NFIB: variants seen among roughly 807,000 people sequenced by gnomAD.
NFIB encodes nuclear factor I B, also known as nuclear factor 1 B-type.
NFIB carries 11 observed loss-of-function variants against 61.5 expected under a neutral mutation model. That is an observed-to-expected ratio of 0.18 (90% CI 0.11 to 0.30). The LOEUF is 0.30. Ranked by LOEUF, NFIB falls within the 10% of genes least tolerant of loss-of-function variation. The probability of loss-of-function intolerance (pLI) is 1.00; values close to 1 mark genes in which losing one functional copy is unlikely to be tolerated. For synonymous variants in NFIB, 260 were observed against 216.5 expected, an observed-to-expected ratio of 1.20 and a Z score of -1.76; for missense variants, 471 against 608.9, an observed-to-expected ratio of 0.77 and a Z score of 2.38.
In NFIB at chr9:14,263,544, C is replaced by T. The variant is rs553181055; in HGVS notation, c.562+43445G>A. Among the ~76,000 whole-genome samples the T allele has an allele frequency of 5.9e-5, 9 of 152,214 alleles. No homozygotes were observed. In the South Asian group the frequency reaches 1.7e-3, roughly 28 times the overall value. On this transcript the variant is annotated intron_variant, in intron 2 of 10. Coordinates refer to ENST00000380953, the MANE Select transcript of NFIB (RefSeq NM_001190737.2). ...TGGAGAGAGTTCAAGTGCAGCTTTC[C>T]CAAAAGCCTGGCTCAAACCCTGTAT... is the stretch of plus-strand genomic sequence containing the variant.
At chr9:14,520,416 T>C in the NFIB span, among the ~76,000 whole-genome samples, 1 of 152,202 alleles carries the variant, frequency 6.6e-6, no homozygotes, top group Non-Finnish European at 1.5e-5. Flanking sequence ...CATTACTTAC[T>C]CTGCACCCAA....
At chr9:14,131,407 T>C (rs1306751988) in intron 6 of NFIB, among the ~76,000 whole-genome samples, 1 of 152,234 alleles carries the variant, frequency 6.6e-6, no homozygotes, top group Non-Finnish European at 1.5e-5. Flanking sequence ...CTTGATGTGT[T>C]ATTTATTTCA....
chr9:14,170,189 A>G (rs929759688), intron 3 of NFIB, among the ~76,000 whole-genome samples: 3 of 152,226 alleles, frequency 2.0e-5, no homozygotes, highest in African/African-American at 2.4e-5. Flanking sequence ...CAAGTCCACT[A>G]TATTTGTGAT....
At chr9:14,269,078 C>CTT (rs111709351) in intron 2 of NFIB, among the ~76,000 whole-genome samples, 201 of 148,176 alleles carry the variant, frequency 1.4e-3, no homozygotes, top group African/African-American at 4.2e-3. Context: ...ACATTTTAAA[C>CTT]TTTTTTTTTT....
At position 14,120,647 on chromosome 9, in the gene NFIB, G is replaced by C; in HGVS notation, c.1061-23C>G. The C allele has an allele frequency of 6.4e-7, 1 of 1,571,234 alleles. No homozygotes were observed. The highest frequency in any genetic ancestry group is 8.6e-7 in the Non-Finnish European group (1 of 1,161,136). On this transcript the variant is annotated intron_variant, in intron 7 of 10. Coordinates refer to ENST00000380953, the MANE Select transcript of NFIB (RefSeq NM_001190737.2). The surrounding 1 kb of genome is among the most constrained non-coding windows in gnomAD (Gnocchi z 4.4). ...TGACTGCAGAAGACAGAAAAGGAAAGATTGACTCATCAGCTGGTTACCTTA... is the reference window on the plus strand; with the variant it reads ...TGACTGCAGAAGACAGAAAAGGAAACATTGACTCATCAGCTGGTTACCTTA...
At chr9:14,323,137 A>G (rs1371366604) in intron 1 of NFIB, among the ~76,000 whole-genome samples, 2 of 152,222 alleles carry the variant, frequency 1.3e-5, no homozygotes, top group Non-Finnish European at 2.9e-5. Context: ...CAGCGTTATC[A>G]TTAAAGCAAA....
chr9:14,363,956 A>G (rs1344475633), intron 1 of NFIB, among the ~76,000 whole-genome samples: 1 of 152,172 alleles, frequency 6.6e-6, no homozygotes, highest in Non-Finnish European at 1.5e-5. Flanking sequence ...CCAATTGCCT[A>G]TTAATTCACC....
chr9:14,202,663 T>G (rs2049177383), intron 2 of NFIB, among the ~76,000 whole-genome samples: 1 of 152,234 alleles, frequency 6.6e-6, no homozygotes, highest in South Asian at 2.1e-4. Flanking sequence ...CTACGTTTCT[T>G]GTCTTTTAGA....
the NFIB span, among the ~76,000 whole-genome samples, chr9:14,460,015 T>C: frequency 6.6e-6 from 1 of 152,144 alleles, no homozygotes; most frequent in Non-Finnish European, 1.5e-5. Context: ...ATCCCATTAC[T>C]GAGTATATAC....
chr9:14,482,434 C>A, the NFIB span, among the ~76,000 whole-genome samples: 1 of 152,132 alleles, frequency 6.6e-6, no homozygotes, highest in Admixed American at 6.5e-5. Flanking sequence ...TTCACCAGTC[C>A]CCATTTGCAG....
chr9:14,459,557 A>T, the NFIB span, among the ~76,000 whole-genome samples: 10 of 152,138 alleles, frequency 6.6e-5, no homozygotes, highest in Admixed American at 6.5e-4. Flanking sequence ...CAGCAAAAGA[A>T]ACTATCATCA....
At chr9:14,119,153 C>T (rs1417733560) in intron 8 of NFIB, among the ~76,000 whole-genome samples, 1 of 152,074 alleles carries the variant, frequency 6.6e-6, no homozygotes, top group Non-Finnish European at 1.5e-5. Flanking sequence ...CTGTTCCCAG[C>T]TGAGTCTAGC....
intron 1 of NFIB, among the ~76,000 whole-genome samples, chr9:14,389,643 A>G (rs1167375396): frequency 6.6e-6 from 1 of 152,122 alleles, no homozygotes; most frequent in East Asian, 1.9e-4. Context: ...CAAAAAAGTT[A>G]CTCTTTCCCT....
rs982229499 is a variant in NFIB at position 14,332,288 on chromosome 9, G to A, written c.109-24768C>T. ...GCAGAGGTTGCAGTCAGCAGAGATC[G>A]TGCCACTGCACTCCAGCCTGGGCAA... On this transcript the variant is annotated intron_variant, in intron 1 of 8. Transcript: ENST00000380934. 4.6e-4 allele frequency among the ~76,000 whole-genome samples: 67 copies of A among 145,134 alleles called. 1 individual carries two copies. Among genetic ancestry groups the A allele is most frequent in the African/African-American group, 1.6e-3 (65 of 39,544 alleles).
chr9:14,270,400 T>A (rs1322992), intron 2 of NFIB, among the ~76,000 whole-genome samples: 1 of 151,928 alleles, frequency 6.6e-6, no homozygotes, highest in South Asian at 2.1e-4. Context: ...TCTGTGCACA[T>A]GCTAATTTGA....
At chr9:14,397,647 A>T (rs537058428) in intron 1 of NFIB, among the ~76,000 whole-genome samples, 17 of 152,242 alleles carry the variant, frequency 1.1e-4, no homozygotes, top group Non-Finnish European at 2.9e-5. Context: ...AGTCATGCTT[A>T]TTACTTTGTA....
chr9:14,290,817 A>C (rs978143140), intron 2 of NFIB, among the ~76,000 whole-genome samples: 1 of 152,092 alleles, frequency 6.6e-6, no homozygotes, highest in Non-Finnish European at 1.5e-5. Flanking sequence ...ATTTGCCCCT[A>C]ATGTTCTATA....
At chr9:14,388,662 CTT>C (rs2061584041) in intron 1 of NFIB, among the ~76,000 whole-genome samples, 1 of 152,084 alleles carries the variant, frequency 6.6e-6, no homozygotes, top group South Asian at 2.1e-4. Flanking sequence ...ATATGACCAA[CTT>C]CTAGATAGCA....
At chr9:14,432,468 C>T in the NFIB span, among the ~76,000 whole-genome samples, 1 of 152,180 alleles carries the variant, frequency 6.6e-6, no homozygotes, top group African/African-American at 2.4e-5. Flanking sequence ...GAATTCTGAC[C>T]AACACAATCT....
Sources: allele counts gnomAD v4.1 joint callset (sites outside exome capture counted in the v4.1 genomes callset), GRCh38; gene constraint gnomAD v4.1.1; non-coding constraint Gnocchi (gnomAD v3.1); transcripts MANE v1.5; gene names NCBI Gene and HGNC (gene_info 2026-07-23, HGNC 2026-07-21).